Variants in PLD1 observed in about 807,000 individuals in gnomAD.
PLD1 encodes phospholipase D1.
PLD1 carries 112 observed loss-of-function variants against 137.1 expected under a neutral mutation model. The observed-to-expected ratio is 0.82, with a 90% CI of 0.70 to 0.96. The LOEUF is 0.96. Among genes scored for constraint, PLD1 ranks in the 40% least tolerant of loss-of-function variants. PLD1 has a pLI of 0.00. For missense variants in PLD1, 1,321 were observed against 1,342.0 expected, an observed-to-expected ratio of 0.98 and a Z score of 0.24; for synonymous variants, 431 against 454.7, an observed-to-expected ratio of 0.95 and a Z score of 0.66.
intron 23 of PLD1, among the ~76,000 whole-genome samples, chr3:171,633,085 G>A (rs1204141733): frequency 6.6e-6 from 1 of 152,184 alleles, no homozygotes; most frequent in African/African-American, 2.4e-5. Context: ...TTGGACAAAT[G>A]CGAGTGTGGC....
intron 18 of PLD1, 86 bp downstream of exon 18, chr3:171,676,628 TC>T: frequency 9.9e-7 from 1 of 1,011,038 alleles, no homozygotes; most frequent in East Asian, 2.4e-5. Context: ...AACAGTCTCT[TC>T]TTGCTACCAG....
At chr3:171,703,804 C>G (rs1473769360) in intron 11 of PLD1, among the ~76,000 whole-genome samples, 1 of 152,184 alleles carries the variant, frequency 6.6e-6, no homozygotes, top group Non-Finnish European at 1.5e-5. Flanking sequence ...GAGAGAACTT[C>G]AAAAATCCTC....
rs2108522361 is a variant in PLD1 at position 171,692,565 on chromosome 3, G to A, written c.1228-123C>T. On this transcript the variant is annotated intron_variant, in intron 12 of 26. Coordinates refer to ENST00000351298, the MANE Select transcript of PLD1 (RefSeq NM_002662.5). ...TTTCAGAGTCTCACTCTGTCACCCA[G>A]CCTGGAGTGCAGTGGCGCAATCTCG... 5.0e-6 allele frequency: 3 copies of A among 603,244 alleles called. No homozygotes were observed. The East Asian group carries it at 8.7e-5, about 18-fold the overall frequency. 37.4% of individuals were successfully genotyped at this position (603,244 alleles called of 1,614,324 possible).
At chr3:171,640,385 A>G (rs1735635361) in intron 23 of PLD1, among the ~76,000 whole-genome samples, 1 of 152,164 alleles carries the variant, frequency 6.6e-6, no homozygotes, top group Non-Finnish European at 1.5e-5. Context: ...TCATCTCAAA[A>G]TATTTTCTAC....
chr3:171,708,861 C>CT, intron 10 of PLD1, 23 bp from the exon 11 acceptor site: 1 of 1,388,868 alleles, frequency 7.2e-7, no homozygotes, highest in Non-Finnish European at 1.0e-6. Flanking sequence ...TTTATTGTTC[C>CT]TTTTTGTTAT....
Position 171,777,273 on chromosome 3 carries a change from A to G in PLD1, c.-32+33126T>C, listed in dbSNP as rs556268964. Among the ~76,000 whole-genome samples, 19 of 152,338 alleles carry G rather than the reference A, an allele frequency of 1.2e-4. No homozygotes were observed. The East Asian group carries it at 2.7e-3, about 22-fold the overall frequency. On this transcript the variant is annotated intron_variant, in intron 1 of 26. Coordinates refer to ENST00000351298, the MANE Select transcript of PLD1 (RefSeq NM_002662.5). Reference sequence around the variant, plus strand: ...AATTGTTGTGTGTGAAAAGAGTTCAAAATTGGTTTCTATGTCCCAGGAACC... The same window carrying G: ...AATTGTTGTGTGTGAAAAGAGTTCAGAATTGGTTTCTATGTCCCAGGAACC...
intron 19 of PLD1, among the ~76,000 whole-genome samples, chr3:171,667,871 C>T (rs538564336): frequency 6.6e-6 from 1 of 152,322 alleles, no homozygotes; most frequent in East Asian, 1.9e-4. Context: ...CCTGCCTCAG[C>T]CTCCTGAGTA....
At chr3:171,807,084 A>G (rs1041160107) in intron 1 of PLD1, among the ~76,000 whole-genome samples, 1 of 152,134 alleles carries the variant, frequency 6.6e-6, no homozygotes, top group African/African-American at 2.4e-5. Context: ...AAGTAGGAGG[A>G]TTGCGGGAGC....
Position 171,642,839 on chromosome 3 carries a change from C to T in PLD1, c.2593+1G>A, listed in dbSNP as rs367799271. ...ATATGAGAAAAAAAGCAGTTACTTA[C>T]GCTCTGCTTTTAACTGTCCAAGGAT... On this transcript the variant is annotated splice_donor_variant, in intron 23 of 26. Transcript: ENST00000351298. LOFTEE classifies it high-confidence loss of function. The T allele has an allele frequency of 5.8e-6, 9 of 1,553,478 alleles. No individual in the cohort carries two copies. Among genetic ancestry groups the T allele is most frequent in the East Asian group, 2.3e-5 (1 of 43,352 alleles).
intron 1 of PLD1, chr3:171,792,389 G>C (rs1282278620): frequency 2.8e-6 from 1 of 358,262 alleles, no homozygotes; most frequent in African/African-American, 2.1e-5. Flanking sequence ...AGAGTAGTGG[G>C]GGCTGGGTGG....
chr3:171,734,719 T>C lies in PLD1; in HGVS notation c.540+146A>G. On this transcript the variant is annotated intron_variant, in intron 5 of 26. Coordinates refer to ENST00000351298, the MANE Select transcript of PLD1 (RefSeq NM_002662.5). ...TTGGGGAAAGAAGGGACTGCCTAAC[T>C]AGTTCCAGAAAAGCTAAACCAGCCT... 1 of 587,320 alleles carries C rather than the reference T, an allele frequency of 1.7e-6. No homozygotes were observed. Among genetic ancestry groups the C allele is most frequent in the Non-Finnish European group, 3.1e-6 (1 of 326,274 alleles). The allele number at this position is 587,320 out of a possible 1,614,324, so 36.4% of individuals were successfully genotyped here.
intron 21 of PLD1, among the ~76,000 whole-genome samples, chr3:171,658,545 G>T: frequency 6.6e-6 from 1 of 152,120 alleles, no homozygotes; most frequent in East Asian, 1.9e-4. Flanking sequence ...AGACAAATCA[G>T]TCATAAAAGA....
Position 171,699,726 on chromosome 3 carries a change from T to C in PLD1, c.1227+19A>G, listed in dbSNP as rs780181656. The C allele has an allele frequency of 1.2e-5, 19 of 1,573,812 alleles. No individual in the cohort carries two copies. The Middle Eastern group carries it at 5.0e-4, about 41-fold the overall frequency. On this transcript the variant is annotated intron_variant, in intron 12 of 26. Coordinates refer to ENST00000351298, the MANE Select transcript of PLD1 (RefSeq NM_002662.5). The stretch of plus-strand genomic sequence containing the variant: ...GACAGTTAAAAAATTATATCAGCAT[T>C]TTCTGGGAAAGTACATACTGCTTTT...
intron 1 of PLD1, among the ~76,000 whole-genome samples, chr3:171,778,616 G>A (rs544075122): frequency 3.9e-4 from 59 of 152,224 alleles, no homozygotes; most frequent in African/African-American, 1.3e-3. Context: ...AAAGGGCCCA[G>A]GCAGAAGAAA....
rs1307300706 is a variant in PLD1, at chr3:171,602,042, G to A, written c.*1036C>T. ...GCAGAAGACCTGAATGTCAAACAAG[G>A]TTAGACTCATACTTACTAACTTGGT... On this transcript the variant is annotated 3_prime_UTR_variant, in exon 27 of 27. Coordinates refer to ENST00000351298, the MANE Select transcript of PLD1 (RefSeq NM_002662.5). 1.3e-5 allele frequency: 2 copies of A among 152,154 alleles called. No homozygotes were observed. Among genetic ancestry groups the A allele is most frequent in the East Asian group, 1.9e-4 (1 of 5,202 alleles). The allele number at this position is 152,154 out of a possible 1,614,324, so 9.4% of individuals were successfully genotyped here.
chr3:171,797,611 A>G (rs370249736), intron 1 of PLD1, among the ~76,000 whole-genome samples: 1 of 151,118 alleles, frequency 6.6e-6, no homozygotes, highest in African/African-American at 2.4e-5. Flanking sequence ...TTTCAGAGGC[A>G]AACTTAGAAG....
intron 9 of PLD1, among the ~76,000 whole-genome samples, 155 bp from the exon 10 acceptor site, chr3:171,709,864 A>G (rs970661960): frequency 6.6e-6 from 1 of 152,216 alleles, no homozygotes; most frequent in African/African-American, 2.4e-5. Context: ...ATTTCTAAAA[A>G]TATATTCAAT....
chr3:171,647,900 G>A (rs899431757), intron 21 of PLD1, among the ~76,000 whole-genome samples: 1 of 151,986 alleles, frequency 6.6e-6, no homozygotes, highest in African/African-American at 2.4e-5. Context: ...TGCACCCCTT[G>A]GAAACCTCTA....
intron 1 of PLD1, among the ~76,000 whole-genome samples, chr3:171,801,876 C>G (rs988856932): frequency 6.6e-6 from 1 of 152,202 alleles, no homozygotes; most frequent in Non-Finnish European, 1.5e-5. Flanking sequence ...CATGTTTAAT[C>G]GATCCATTCT....
Sources: allele counts gnomAD v4.1 joint callset (sites outside exome capture counted in the v4.1 genomes callset), GRCh38; gene constraint gnomAD v4.1.1; transcripts MANE v1.5; gene names NCBI Gene and HGNC (gene_info 2026-07-23, HGNC 2026-07-21).